NEIL3: variants seen among roughly 807,000 people sequenced by gnomAD.
The protein encoded by NEIL3 is endonuclease 8-like 3.
A neutral mutation model predicts 57.5 loss-of-function variants in NEIL3; 48 were observed. That is an observed-to-expected ratio of 0.83 (90% CI 0.66 to 1.06). The LOEUF is 1.06. NEIL3 is among the 50% of genes least tolerant of loss of function. The pLI is 0.00. For synonymous variants in NEIL3, 261 were observed against 253.2 expected, an observed-to-expected ratio of 1.03 and a Z score of -0.29; for missense variants, 717 against 739.1, an observed-to-expected ratio of 0.97 and a Z score of 0.35.
rs138817684 is a variant in NEIL3 at position 177,320,870 on chromosome 4, C to T, written c.157-1589C>T. On this transcript the variant is annotated intron_variant, in intron 1 of 9. Transcript: ENST00000264596. Reference sequence around the variant, plus strand: ...CAAAGGAGGGATATATAAAGCCAGTCGCCTGAACTTCAGGCAGTTGGAAAA... The same window carrying T: ...CAAAGGAGGGATATATAAAGCCAGTTGCCTGAACTTCAGGCAGTTGGAAAA... Among the ~76,000 whole-genome samples, 9 of 151,960 alleles carry T rather than the reference C, an allele frequency of 5.9e-5. No individual in the cohort carries two copies. In the East Asian group the frequency reaches 9.7e-4, roughly 16 times the overall value.
chr4:177,361,781 GT>G (rs904473696), intron 9 of NEIL3, among the ~76,000 whole-genome samples: 20 of 151,722 alleles, frequency 1.3e-4, no homozygotes, highest in Middle Eastern at 3.4e-3. Flanking sequence ...ATCTTACAGG[GT>G]TTTTTTTGTT....
In NEIL3 at chr4:177,326,262, G is replaced by T. The variant is rs750454095; in HGVS notation, c.278+3682G>T. Among the ~76,000 whole-genome samples, 4 of 152,086 alleles carry T rather than the reference G, an allele frequency of 2.6e-5. No individual in the cohort carries two copies. The East Asian group carries it at 5.8e-4, about 22-fold the overall frequency. On this transcript the variant is annotated intron_variant, in intron 2 of 9. Transcript: ENST00000264596. ...CAGGAGCTGGACTTTGTCTTTTTGC[G>T]TGTGTATTTTCCAGCACCATTGTTG...
At chr4:177,335,645 G>A (rs761404140) in intron 2 of NEIL3, 43 bp from the exon 3 acceptor site, 50 of 1,581,930 alleles carry the variant, frequency 3.2e-5, no homozygotes, top group Non-Finnish European at 4.0e-5. Context: ...CTTGATAAAT[G>A]ATATACTTTC....
Position 177,362,486 on chromosome 4 carries a change from C to T in NEIL3, c.*15C>T. The T allele has an allele frequency of 3.1e-6, 5 of 1,593,502 alleles. No individual in the cohort carries two copies. Among genetic ancestry groups the T allele is most frequent in the Non-Finnish European group, 4.3e-6 (5 of 1,166,926 alleles). The stretch of plus-strand genomic sequence containing the variant: ...CTGGATGCTAATATCTGTAGATTCT[C>T]TGGCATTTAGTCTCTTCAAACTGTG... On this transcript the variant is annotated 3_prime_UTR_variant, in exon 10 of 10. Coordinates refer to ENST00000264596, the MANE Select transcript of NEIL3 (RefSeq NM_018248.3).
chr4:177,358,155 A>G (rs958158721), intron 8 of NEIL3, among the ~76,000 whole-genome samples: 5 of 152,214 alleles, frequency 3.3e-5, no homozygotes, highest in Non-Finnish European at 7.3e-5. Flanking sequence ...TCCTGCTAAC[A>G]TGCAGATTCT....
intron 7 of NEIL3, among the ~76,000 whole-genome samples, chr4:177,351,851 T>A (rs528323627): frequency 6.6e-6 from 1 of 152,342 alleles, no homozygotes; most frequent in South Asian, 2.1e-4. Context: ...AAAGCTTTGT[T>A]TTATGCAGAT....
At chr4:177,312,237 C>T (rs1734491012) in intron 1 of NEIL3, among the ~76,000 whole-genome samples, 1 of 152,064 alleles carries the variant, frequency 6.6e-6, no homozygotes, top group Admixed American at 6.6e-5. Flanking sequence ...TAAATTTGCC[C>T]AAGATCACAT....
intron 8 of NEIL3, among the ~76,000 whole-genome samples, chr4:177,357,419 G>A (rs900506518): frequency 2.0e-5 from 3 of 149,124 alleles, no homozygotes; most frequent in Non-Finnish European, 4.5e-5. Context: ...TTTATGTGTG[G>A]CCCAAGACAA....
intron 8 of NEIL3, chr4:177,354,036 G>T: frequency 3.9e-6 from 1 of 258,108 alleles, no homozygotes; most frequent in Non-Finnish European, 7.4e-6. Context: ...AAGGTGCTGG[G>T]ATTTACAGGC....
rs1735008443 is a variant in NEIL3, at chr4:177,337,924, C to T, written c.627+1603C>T. Among the ~76,000 whole-genome samples, 4 of 152,102 alleles carry T rather than the reference C, an allele frequency of 2.6e-5. No homozygotes were observed. The South Asian group carries it at 8.3e-4, about 32-fold the overall frequency. On this transcript the variant is annotated intron_variant, in intron 4 of 9. Coordinates refer to ENST00000264596, the MANE Select transcript of NEIL3 (RefSeq NM_018248.3). ...GTCCCAGCTACTGGAGAGGCTGAGG[C>T]AGGACAATCGCTTAAGCCCGGGAGG...
chr4:177,330,226 A>G (rs1734856333), intron 2 of NEIL3, among the ~76,000 whole-genome samples: 1 of 152,192 alleles, frequency 6.6e-6, no homozygotes, highest in Admixed American at 6.5e-5. Context: ...AATTTAAAGT[A>G]TTTGGAAATC....
chr4:177,355,137 T>G (rs1276259068), intron 8 of NEIL3, among the ~76,000 whole-genome samples: 1 of 152,208 alleles, frequency 6.6e-6, no homozygotes, highest in South Asian at 2.1e-4. Context: ...TTTTCTCAGC[T>G]GCTTTCTTTT....
chr4:177,330,142 C>T (rs1734854579), intron 2 of NEIL3, among the ~76,000 whole-genome samples: 1 of 152,274 alleles, frequency 6.6e-6, no homozygotes, highest in South Asian at 2.1e-4. Flanking sequence ...AAACTCCTGA[C>T]CTCAGGTCAT....
chr4:177,369,986 C>T, the NEIL3 span, among the ~76,000 whole-genome samples: 6 of 152,006 alleles, frequency 3.9e-5, no homozygotes, highest in African/African-American at 1.5e-4. Context: ...ATAACAATGG[C>T]GATAACCTTA....
At chr4:177,332,964 T>C (rs1286782839) in intron 2 of NEIL3, among the ~76,000 whole-genome samples, 1 of 152,154 alleles carries the variant, frequency 6.6e-6, no homozygotes, top group Non-Finnish European at 1.5e-5. Context: ...TTTTTCTCCT[T>C]GTTGGAGCGG....
At chr4:177,356,686 A>G (rs1476770533) in intron 8 of NEIL3, among the ~76,000 whole-genome samples, 1 of 152,146 alleles carries the variant, frequency 6.6e-6, no homozygotes, top group Non-Finnish European at 1.5e-5. Context: ...TCTCTTAATT[A>G]CTGTTCTCAT....
chr4:177,336,411 C>A, intron 4 of NEIL3, 90 bp downstream of exon 4: 1 of 960,178 alleles, frequency 1.0e-6, no homozygotes, highest in Non-Finnish European at 1.6e-6. Context: ...ATTTCAGTAA[C>A]ACAGTCTCAT....
chr4:177,349,282 C>T (rs1735302007), intron 6 of NEIL3, among the ~76,000 whole-genome samples: 1 of 152,082 alleles, frequency 6.6e-6, no homozygotes, highest in Non-Finnish European at 1.5e-5. Flanking sequence ...TTCACTCAAA[C>T]GCTGGATGCT....
intron 9 of NEIL3, 63 bp from the exon 10 acceptor site, chr4:177,362,226 G>T (rs1735620571): frequency 7.6e-7 from 1 of 1,323,896 alleles, no homozygotes; most frequent in Non-Finnish European, 1.0e-6. Context: ...ATGTGCCTAG[G>T]GTTAGCCTGT....
Sources: allele counts gnomAD v4.1 joint callset (sites outside exome capture counted in the v4.1 genomes callset), GRCh38; gene constraint gnomAD v4.1.1; transcripts MANE v1.5; gene names NCBI Gene and HGNC (gene_info 2026-07-23, HGNC 2026-07-21).